BCAS4: variants seen among roughly 807,000 people sequenced by gnomAD.
BCAS4 encodes breast carcinoma amplified sequence 4, also known as breast carcinoma-amplified sequence 4.
BCAS4 carries 9 observed loss-of-function variants against 15.7 expected under a neutral mutation model. That is an observed-to-expected ratio of 0.57 (90% CI 0.34 to 1.00). BCAS4 has a LOEUF of 1.00. Ranked by LOEUF, BCAS4 falls within the 50% of genes least tolerant of loss-of-function variation. BCAS4 has a pLI of 0.02. For synonymous variants in BCAS4, 101 were observed against 99.5 expected, an observed-to-expected ratio of 1.02 and a Z score of -0.09; for missense variants, 225 against 239.1, an observed-to-expected ratio of 0.94 and a Z score of 0.39.
intron 1 of BCAS4, among the ~76,000 whole-genome samples, chr20:50,812,156 G>A (rs1435678405): frequency 6.6e-6 from 1 of 151,214 alleles, no homozygotes; most frequent in Non-Finnish European, 1.5e-5. Flanking sequence ...TTTTTGAGAT[G>A]GAATCTCACT....
intron 1 of BCAS4, among the ~76,000 whole-genome samples, chr20:50,816,007 A>G (rs991813277): frequency 6.6e-6 from 1 of 152,134 alleles, no homozygotes; most frequent in Admixed American, 6.5e-5. Context: ...AGATAACTTG[A>G]GGGGGAAAAA....
chr20:50,826,248 G>C (rs1161715037), intron 2 of BCAS4, among the ~76,000 whole-genome samples: 1 of 152,222 alleles, frequency 6.6e-6, no homozygotes, highest in Non-Finnish European at 1.5e-5. Flanking sequence ...AGGAGACTGA[G>C]GACCTTTCCC....
At chr20:50,795,895 T>C (rs1307367439) in intron 1 of BCAS4, among the ~76,000 whole-genome samples, 2 of 152,206 alleles carry the variant, frequency 1.3e-5, no homozygotes, top group Admixed American at 1.3e-4. Flanking sequence ...ACATTTAAAA[T>C]GCATTTACAA....
rs559486854 is a variant in BCAS4 at position 50,822,668 on chromosome 20, CT to C, written c.162+4387del. ...TTTTTTTTTTGGAGACACAGTCTCACTCTGTTGCCCAGGCTGTAGTGCAGTG... is the reference window on the plus strand; with the variant it reads ...TTTTTTTTTTGGAGACACAGTCTCACCTGTTGCCCAGGCTGTAGTGCAGTG... On this transcript the variant is annotated intron_variant, in intron 2 of 4. Coordinates refer to ENST00000371608, the MANE Select transcript of BCAS4 (RefSeq NM_198799.4). Among the ~76,000 whole-genome samples, 8 of 150,460 alleles carry C rather than the reference CT, an allele frequency of 5.3e-5. 1 individual carries two copies. Among genetic ancestry groups the C allele is most frequent in the African/African-American group, 2.0e-4 (8 of 40,976 alleles).
At chr20:50,853,719 GGGGGTGTTTTGTGT>G (rs1978587416) in intron 4 of BCAS4, among the ~76,000 whole-genome samples, 1 of 118,248 alleles carries the variant, frequency 8.5e-6, no homozygotes, top group Non-Finnish European at 1.7e-5. Flanking sequence ...TTGTGTACTG[GGGGGTGTTTTGTGT>G]ACTGGGGGGT....
chr20:50,818,097 G>C, intron 1 of BCAS4, 114 bp from the exon 2 acceptor site: 1 of 945,460 alleles, frequency 1.1e-6, no homozygotes, highest in Admixed American at 2.2e-5. Context: ...GGTCGAGCAG[G>C]AACCGGGCAC....
chr20:50,859,297 G>A (rs368919704), intron 4 of BCAS4, among the ~76,000 whole-genome samples: 1 of 152,138 alleles, frequency 6.6e-6, no homozygotes, highest in South Asian at 2.1e-4. Context: ...TGGAACCCAC[G>A]GATGTGGAGG....
At chr20:50,814,145 C>A (rs1205817279) in intron 1 of BCAS4, among the ~76,000 whole-genome samples, 1 of 152,140 alleles carries the variant, frequency 6.6e-6, no homozygotes, top group Non-Finnish European at 1.5e-5. Flanking sequence ...GGGCTTGTTT[C>A]TCCCTTTGCT....
At chr20:50,868,203 C>T (rs879916057) in intron 4 of BCAS4, among the ~76,000 whole-genome samples, 10 of 152,162 alleles carry the variant, frequency 6.6e-5, no homozygotes, top group Non-Finnish European at 7.3e-5. Context: ...GGTCACCTGG[C>T]CGAAGTGACG....
intron 1 of BCAS4, among the ~76,000 whole-genome samples, chr20:50,804,312 T>TA (rs1165371790): frequency 6.6e-6 from 1 of 152,208 alleles, no homozygotes; most frequent in Admixed American, 6.5e-5. Context: ...GTGCTGGGAT[T>TA]ATAGGTATGA....
At chr20:50,869,266 G>A (rs559169368) in intron 4 of BCAS4, among the ~76,000 whole-genome samples, 3 of 152,294 alleles carry the variant, frequency 2.0e-5, no homozygotes, top group Non-Finnish European at 4.4e-5. Context: ...GGGGATGAAG[G>A]TGGGCCTCTA....
chr20:50,855,747 C>T (rs573111087), intron 4 of BCAS4, among the ~76,000 whole-genome samples: 89 of 152,302 alleles, frequency 5.8e-4, no homozygotes, highest in Non-Finnish European at 1.1e-3. Flanking sequence ...CCCCCAGGGA[C>T]GCTTTTGACT....
At chr20:50,842,783 G>A (rs1345385177) in intron 4 of BCAS4, among the ~76,000 whole-genome samples, 1 of 152,158 alleles carries the variant, frequency 6.6e-6, no homozygotes, top group Non-Finnish European at 1.5e-5. Context: ...ACTTGTCTGA[G>A]GCCACGGGCC....
chr20:50,860,465 T>C (rs1471320744), intron 4 of BCAS4, among the ~76,000 whole-genome samples: 1 of 152,206 alleles, frequency 6.6e-6, no homozygotes, highest in Non-Finnish European at 1.5e-5. Context: ...CCTCCATTTT[T>C]AAGATTTTGC....
chr20:50,861,886 C>A (rs1979100051), intron 4 of BCAS4, among the ~76,000 whole-genome samples: 1 of 108,084 alleles, frequency 9.3e-6, no homozygotes, highest in Non-Finnish European at 1.7e-5. Flanking sequence ...CGGGTTCTTG[C>A]TCTGTTGCCC....
At chr20:50,803,801 C>CCA (rs1275882327) in intron 1 of BCAS4, among the ~76,000 whole-genome samples, 2 of 91,002 alleles carry the variant, frequency 2.2e-5, no homozygotes, top group Admixed American at 1.3e-4. Context: ...ACTAGACTCC[C>CCA]AAAAAAAAAA....
intron 3 of BCAS4, among the ~76,000 whole-genome samples, chr20:50,839,267 A>G (rs2088448400): frequency 6.6e-6 from 1 of 152,242 alleles, no homozygotes; most frequent in Non-Finnish European, 1.5e-5. Context: ...ACACTAACAC[A>G]TGCCCATACA....
chr20:50,850,195 C>T (rs1978337220), intron 4 of BCAS4, among the ~76,000 whole-genome samples: 1 of 152,236 alleles, frequency 6.6e-6, no homozygotes, highest in Admixed American at 6.5e-5. Flanking sequence ...ATATTGAGCC[C>T]CTACTGTATA....
rs547829358 is a variant in BCAS4 at position 50,818,399 on chromosome 20, C to T, written c.162+117C>T. On this transcript the variant is annotated intron_variant, in intron 2 of 4. Coordinates refer to ENST00000371608, the MANE Select transcript of BCAS4 (RefSeq NM_198799.4). ...TTAGCAACCAGGAGGAATGGGGCAGCGGCCAGCGCTGAGAGGAAAGCCACG... is the reference window on the plus strand; with the variant it reads ...TTAGCAACCAGGAGGAATGGGGCAGTGGCCAGCGCTGAGAGGAAAGCCACG... 2.2e-3 allele frequency: 2,164 copies of T among 967,328 alleles called. 4 individuals are homozygous for T. Among genetic ancestry groups the T allele is most frequent in the Non-Finnish European group, 2.8e-3 (1,779 of 639,154 alleles). 59.9% of individuals were successfully genotyped at this position (967,328 alleles called of 1,614,324 possible).
Sources: gnomAD v4.1 joint callset for allele counts (sites outside exome capture counted in the v4.1 genomes callset) on GRCh38, gnomAD v4.1.1 for gene constraint, MANE v1.5 for transcripts, NCBI Gene and HGNC (gene_info 2026-07-23, HGNC 2026-07-21) for gene names.